The following CDC20B variants were observed in gnomAD, a reference collection of about 807,000 sequenced individuals.
CDC20B encodes cell division cycle 20B, also known as cell division cycle protein 20 homolog B.
In CDC20B, 58 loss-of-function variants were observed where a neutral mutation model predicts 64.1. The observed-to-expected ratio is 0.90, with a 90% CI of 0.73 to 1.13. CDC20B has a LOEUF of 1.13. Among genes scored for constraint, CDC20B ranks in the 50% most tolerant of loss-of-function variants. The probability of loss-of-function intolerance (pLI) is 0.00; values close to 1 mark genes in which losing one functional copy is unlikely to be tolerated. For missense variants in CDC20B, 597 were observed against 633.0 expected, an observed-to-expected ratio of 0.94 and a Z score of 0.61; for synonymous variants, 243 against 230.6, an observed-to-expected ratio of 1.05 and a Z score of -0.49.
rs2111778558 is a variant in CDC20B, at chr5:55,113,673, G to C, written c.*545C>G. On this transcript the variant is annotated 3_prime_UTR_variant, in exon 12 of 12. Transcript: ENST00000381375. ...ACCAGGATAAGGATGAGACCATCAG[G>C]AGGGGAAAGGGATTCCTACAGAACT... The C allele has an allele frequency of 6.5e-6, 1 of 152,710 alleles. No homozygotes were observed. The highest frequency in any genetic ancestry group is 1.5e-5 in the Non-Finnish European group (1 of 68,330). The allele number at this position is 152,710 out of a possible 1,614,324, so 9.5% of individuals were successfully genotyped here.
At chr5:55,154,509 C>T (rs367942807) in intron 2 of CDC20B, among the ~76,000 whole-genome samples, 23 of 152,020 alleles carry the variant, frequency 1.5e-4, no homozygotes, top group African/African-American at 5.1e-4. Flanking sequence ...AGAGTGAGAC[C>T]GTGTCTCCCA....
chr5:55,145,701 C>T (rs1335846685), intron 3 of CDC20B, among the ~76,000 whole-genome samples: 1 of 151,950 alleles, frequency 6.6e-6, no homozygotes, highest in African/African-American at 2.4e-5. Context: ...TTCTTCTTCC[C>T]TACTACTCTT....
chr5:55,161,679 T>G (rs1561303539), intron 2 of CDC20B, among the ~76,000 whole-genome samples: 1 of 152,238 alleles, frequency 6.6e-6, no homozygotes. Context: ...ATGTTGTCTT[T>G]CTTATCTGAA....
chr5:55,144,352 C>T (rs1217923049), intron 3 of CDC20B, among the ~76,000 whole-genome samples: 1 of 152,174 alleles, frequency 6.6e-6, no homozygotes, highest in Non-Finnish European at 1.5e-5. Context: ...CTTTCAACTG[C>T]CCTGGAAACC....
At chr5:55,147,852 T>C (rs1021750715) in intron 2 of CDC20B, among the ~76,000 whole-genome samples, 5 of 152,286 alleles carry the variant, frequency 3.3e-5, no homozygotes, top group Admixed American at 3.3e-4. Context: ...TAAACAGCAA[T>C]TTTCTAGTCC....
intron 9 of CDC20B, among the ~76,000 whole-genome samples, chr5:55,124,209 C>T (rs190174793): frequency 2.0e-5 from 3 of 152,282 alleles, no homozygotes; most frequent in African/African-American, 4.8e-5. Flanking sequence ...TCTTTTCTTA[C>T]GTGTGAGCTT....
intron 2 of CDC20B, among the ~76,000 whole-genome samples, chr5:55,148,356 C>T (rs1022051811): frequency 3.3e-5 from 5 of 152,098 alleles, no homozygotes; most frequent in African/African-American, 9.7e-5. Context: ...GGACAATGTG[C>T]GTCAAAAGCC....
At chr5:55,132,090 C>T (rs1377552780) in intron 6 of CDC20B, among the ~76,000 whole-genome samples, 1 of 152,016 alleles carries the variant, frequency 6.6e-6, no homozygotes, top group Non-Finnish European at 1.5e-5. Flanking sequence ...AGGGCTGTGG[C>T]TTAAAGGAAA....
At chr5:55,150,678 G>A (rs79568704) in intron 2 of CDC20B, among the ~76,000 whole-genome samples, 1,963 of 152,268 alleles carry the variant, frequency 0.013, 45 homozygotes, top group African/African-American at 0.044. Flanking sequence ...TTGACTAGGG[G>A]GCAGCAGGTA....
At chr5:55,130,054 A>G (rs552639224) in intron 6 of CDC20B, among the ~76,000 whole-genome samples, 14 of 152,354 alleles carry the variant, frequency 9.2e-5, no homozygotes, top group Admixed American at 5.9e-4. Context: ...CATGAAGTGA[A>G]GAAAAACACA....
rs777400974 is a variant in CDC20B at position 55,172,693 on chromosome 5, G to GA, written c.64-44dup. 4 of 1,433,382 alleles carry GA rather than the reference G, an allele frequency of 2.8e-6. No individual in the cohort carries two copies. In the Admixed American group the frequency reaches 6.9e-5, roughly 25 times the overall value. The allele number at this position is 1,433,382 out of a possible 1,614,324, so 88.8% of individuals were successfully genotyped here. On this transcript the variant is annotated intron_variant, in intron 1 of 11. Transcript: ENST00000381375. ...ACATATTGAGGGAGAAACTATTTAGGAAAATCATAATTTCAGGTGTGGAAT... is the reference window on the plus strand; with the variant it reads ...ACATATTGAGGGAGAAACTATTTAGGAAAAATCATAATTTCAGGTGTGGAAT...
At chr5:55,171,674 C>G (rs1238782126) in intron 2 of CDC20B, among the ~76,000 whole-genome samples, 1 of 152,130 alleles carries the variant, frequency 6.6e-6, no homozygotes, top group Admixed American at 6.5e-5. Flanking sequence ...GCAATCATAG[C>G]TCACTGCAGC....
At chr5:55,130,401 A>C (rs1270386901) in intron 6 of CDC20B, among the ~76,000 whole-genome samples, 1 of 152,202 alleles carries the variant, frequency 6.6e-6, no homozygotes, top group Non-Finnish European at 1.5e-5. Flanking sequence ...CCAAAAATCT[A>C]ACATATGTGT....
At chr5:55,132,566 T>C (rs1369424785) in intron 6 of CDC20B, among the ~76,000 whole-genome samples, 1 of 152,222 alleles carries the variant, frequency 6.6e-6, no homozygotes, top group Non-Finnish European at 1.5e-5. Flanking sequence ...GGAATAATCA[T>C]GAATTCATTT....
At chr5:55,129,387 G>T (rs903814957) in intron 6 of CDC20B, among the ~76,000 whole-genome samples, 2 of 152,146 alleles carry the variant, frequency 1.3e-5, no homozygotes, top group African/African-American at 4.8e-5. Flanking sequence ...AACTGGCGGG[G>T]GGTAAGTTTC....
chr5:55,136,576 A>T (rs3111198), intron 5 of CDC20B: 143,245 of 149,864 alleles, frequency 0.96, 68,593 homozygotes, highest in South Asian at 1. Flanking sequence ...AAAAAAAAAA[A>T]TAGGACAAGC....
intron 2 of CDC20B, among the ~76,000 whole-genome samples, chr5:55,169,665 C>T (rs1415005059): frequency 2.6e-5 from 4 of 151,990 alleles, no homozygotes; most frequent in Non-Finnish European, 5.9e-5. Context: ...TGTAAACCAT[C>T]CCCCACCCAA....
At chr5:55,121,493 AT>A (rs1561285625) in intron 9 of CDC20B, among the ~76,000 whole-genome samples, 1 of 151,690 alleles carries the variant, frequency 6.6e-6, no homozygotes, top group Admixed American at 6.6e-5. Context: ...GGTTGGGTTA[AT>A]TTTTTTTGGA....
intron 2 of CDC20B, chr5:55,160,341 TTGAAG>T (rs747684704): frequency 1.5e-5 from 24 of 1,613,638 alleles, no homozygotes; most frequent in African/African-American, 2.7e-5. Context: ...TTTTATGCCT[TTGAAG>T]TGAAGGATGC....
Sources: gnomAD v4.1 joint callset for allele counts (sites outside exome capture counted in the v4.1 genomes callset) on GRCh38, gnomAD v4.1.1 for gene constraint, MANE v1.5 for transcripts, NCBI Gene and HGNC (gene_info 2026-07-23, HGNC 2026-07-21) for gene names.